The following WNT8B variants were observed in gnomAD, a reference collection of about 807,000 sequenced individuals.
WNT8B encodes the protein protein Wnt-8b.
Under a neutral mutation model 36.6 loss-of-function variants are expected in WNT8B, and 24 were observed. The observed-to-expected ratio is 0.66, with a 90% confidence interval of 0.48 to 0.92. WNT8B has a LOEUF of 0.92. Among genes scored for constraint, WNT8B ranks in the 40% least tolerant of loss-of-function variants. The pLI, the probability that WNT8B is intolerant of heterozygous loss-of-function variation, is 0.00. For missense variants in WNT8B, 402 were observed against 470.8 expected, an observed-to-expected ratio of 0.85 and a Z score of 1.35; for synonymous variants, 199 against 189.8, an observed-to-expected ratio of 1.05 and a Z score of -0.40.
intron 1 of WNT8B, among the ~76,000 whole-genome samples, chr10:100,469,422 C>T (rs1316873984): frequency 1.3e-5 from 2 of 152,206 alleles, no homozygotes; most frequent in Non-Finnish European, 2.9e-5. Context: ...TACTTCTCTT[C>T]CCTTTAAGAC....
chr10:100,463,657 C>T (rs1400699162), intron 1 of WNT8B, among the ~76,000 whole-genome samples: 1 of 151,692 alleles, frequency 6.6e-6, no homozygotes, highest in African/African-American at 2.4e-5. Context: ...TACTTTCTGA[C>T]TTTATTTTTT....
chr10:100,482,338 C>A lies in WNT8B; in HGVS notation c.578C>A (p.Thr193Asn). 2 of 1,603,688 alleles carry A rather than the reference C, an allele frequency of 1.2e-6. No homozygotes were observed. Among genetic ancestry groups the A allele is most frequent in the Non-Finnish European group, 1.7e-6 (2 of 1,179,816 alleles). The change falls in exon 6 of 6, where the codon ACC becomes AAC. Residue 193 changes from threonine to asparagine, a missense_variant. Thr to Asn is a moderately conservative substitution (Grantham distance 65). Around this residue, in one of 3 missense-constraint regions of WNT8B, gnomAD observed 256 missense variants for 278.6 expected, o/e 0.92. Transcript: ENST00000343737. The surrounding 1 kb of genome is among the most constrained non-coding windows in gnomAD (Gnocchi z 6.6). The stretch of plus-strand genomic sequence containing the variant: ...GTGTCTGGCAGCTGCACCACGCAGA[C>A]CTGTTGGCTGCAGCTGCCCGAGTTC... ...HGVSGSCTTQ[T>N]CWLQLPEFRE... is the part of the protein sequence containing the mutation.
rs1851005197 is a variant in WNT8B, at chr10:100,473,861, G to A, written c.69-5191G>A. Among the ~76,000 whole-genome samples, 3 of 152,174 alleles carry A rather than the reference G, an allele frequency of 2.0e-5. No individual in the cohort carries two copies. The South Asian group carries it at 6.2e-4, about 31-fold the overall frequency. ...GAATTGCTTGAACCCAGGAGGTGGAGGTTGTAATGAGCCAAGATGGCGCCA... is the reference window on the plus strand; with the variant it reads ...GAATTGCTTGAACCCAGGAGGTGGAAGTTGTAATGAGCCAAGATGGCGCCA... On this transcript the variant is annotated intron_variant, in intron 1 of 5. Coordinates refer to ENST00000343737, the MANE Select transcript of WNT8B (RefSeq NM_003393.4).
chr10:100,480,140 C>A, intron 3 of WNT8B, 128 bp downstream of exon 3: 1 of 1,189,870 alleles, frequency 8.4e-7, no homozygotes, highest in Non-Finnish European at 1.1e-6. Flanking sequence ...TCTCCCTCTC[C>A]AGGATCTTCT....
intron 1 of WNT8B, among the ~76,000 whole-genome samples, chr10:100,463,765 T>A (rs554326842): frequency 3.3e-4 from 50 of 152,344 alleles, no homozygotes; most frequent in African/African-American, 1.0e-3. Flanking sequence ...ACAAACATGT[T>A]TGAAACCAGA....
chr10:100,481,749 A>T (rs565316799), intron 4 of WNT8B, among the ~76,000 whole-genome samples, 163 bp from the exon 5 acceptor site: 2 of 152,320 alleles, frequency 1.3e-5, no homozygotes, highest in East Asian at 3.9e-4. Flanking sequence ...TAAAAGTGGC[A>T]AAAACAAATC....
intron 1 of WNT8B, among the ~76,000 whole-genome samples, chr10:100,476,030 G>A (rs943065908): frequency 4.6e-5 from 7 of 151,934 alleles, no homozygotes; most frequent in Non-Finnish European, 1.0e-4. Context: ...GGTGGCTCAC[G>A]CCTGTAATCC....
intron 1 of WNT8B, among the ~76,000 whole-genome samples, chr10:100,478,400 G>T (rs944442534): frequency 1.5e-4 from 23 of 152,152 alleles, no homozygotes; most frequent in African/African-American, 5.6e-4. Flanking sequence ...AATACCGAGA[G>T]TAGAGCATAA....
chr10:100,466,200 T>C (rs941225877), intron 1 of WNT8B, among the ~76,000 whole-genome samples: 3 of 151,948 alleles, frequency 2.0e-5, no homozygotes, highest in Admixed American at 1.3e-4. Context: ...TGTGAGGAAC[T>C]GCTTTGGAAT....
Position 100,483,248 on chromosome 10 carries a change from C to G in WNT8B, c.*432C>G, listed in dbSNP as rs1851143499. 1 of 161,646 alleles carries G rather than the reference C, an allele frequency of 6.2e-6. No homozygotes were observed. The highest frequency in any genetic ancestry group is 2.0e-4 in the South Asian group (1 of 5,000). The allele number at this position is 161,646 out of a possible 1,614,324, so 10.0% of individuals were successfully genotyped here. ...CCAGGGCTCACCCACTGCTGCACCT[C>G]TCTTCTGCACAGCTCCTCCCCTGCT... On this transcript the variant is annotated 3_prime_UTR_variant, in exon 6 of 6. Transcript: ENST00000343737.
intron 1 of WNT8B, among the ~76,000 whole-genome samples, chr10:100,478,033 C>T (rs186009724): frequency 1.3e-5 from 2 of 152,014 alleles, no homozygotes; most frequent in Non-Finnish European, 2.9e-5. Flanking sequence ...ATCCACCTGC[C>T]TCAGCCTCCC....
intron 1 of WNT8B, among the ~76,000 whole-genome samples, chr10:100,473,718 G>A (rs1156335987): frequency 6.6e-6 from 1 of 152,174 alleles, no homozygotes; most frequent in African/African-American, 2.4e-5. Context: ...TTGAGGTCAG[G>A]AGTTTGAGAC....
Position 100,482,762 on chromosome 10 carries a change from C to T in WNT8B, c.1002C>T (p.Ser334=), listed in dbSNP as rs34654001. The T allele has an allele frequency of 6.3e-7, 1 of 1,592,354 alleles. No individual in the cohort carries two copies. Among genetic ancestry groups the T allele is most frequent in the Non-Finnish European group, 8.6e-7 (1 of 1,168,500 alleles). The change falls in exon 6 of 6, where the codon AGC becomes AGT. Residue 334 remains serine (S), a synonymous_variant. Transcript: ENST00000343737. The surrounding 1 kb of genome is among the most constrained non-coding windows in gnomAD (Gnocchi z 6.6). ...GGAGGGTCACCAAGTACTTCTGTAG[C>T]CGCGCAGAGCGGCCGCGGGGGGGCG... The part of the protein sequence containing the change: ...CRRRVTKYFC[S]RAERPRGGAA...
At chr10:100,474,336 T>G (rs1397003685) in intron 1 of WNT8B, among the ~76,000 whole-genome samples, 4 of 151,910 alleles carry the variant, frequency 2.6e-5, no homozygotes, top group Admixed American at 2.6e-4. Flanking sequence ...ATTTATATCT[T>G]AAATTTACAT....
Position 100,482,143 on chromosome 10 carries a change from G to C in WNT8B, c.510+89G>C. 6.3e-7 allele frequency: 1 copy of C among 1,580,306 alleles called. No individual in the cohort carries two copies. Among genetic ancestry groups the C allele is most frequent in the Non-Finnish European group, 8.6e-7 (1 of 1,161,916 alleles). ...GGACAACTCTTCAGTTCATTTAAAA[G>C]ATTGGCAAAATGAGGTACCAAGTGG... On this transcript the variant is annotated intron_variant, in intron 5 of 5. Coordinates refer to ENST00000343737, the MANE Select transcript of WNT8B (RefSeq NM_003393.4). The surrounding 1 kb of genome is among the most constrained non-coding windows in gnomAD (Gnocchi z 6.6).
chr10:100,466,113 A>G (rs1850905272), intron 1 of WNT8B, among the ~76,000 whole-genome samples: 3 of 152,114 alleles, frequency 2.0e-5, no homozygotes. Flanking sequence ...AGATCCACTA[A>G]AACTGTCACG....
intron 1 of WNT8B, among the ~76,000 whole-genome samples, chr10:100,475,147 G>A (rs937296095): frequency 2.0e-5 from 3 of 152,076 alleles, no homozygotes; most frequent in Non-Finnish European, 2.9e-5. Context: ...GGCTGAGACA[G>A]GAGAATTGCT....
In WNT8B at chr10:100,480,011, T is replaced by A; in HGVS notation, c.240T>A (p.Ser80Arg). ...LQLSSHGGLR[S>R]ANRETAFVHA... is the part of the protein sequence containing the mutation. ...TGTCCAGCCATGGTGGGCTTCGCAG[T>A]GGTAAGAAAAACCTCAGCCACAGCT... is the stretch of plus-strand genomic sequence containing the variant. Residue 80 changes from serine (S) to arginine (R), a missense_variant and splice_region_variant, in exon 3 of 6, where the codon AGT becomes AGA. By Grantham distance (110) the Ser-to-Arg change is moderately radical. Transcript: ENST00000343737. 6.2e-7 allele frequency: 1 copy of A among 1,613,044 alleles called. No individual in the cohort carries two copies. The highest frequency in any genetic ancestry group is 8.5e-7 in the Non-Finnish European group (1 of 1,179,790).
chr10:100,482,293 G>A lies in WNT8B; in HGVS notation c.533G>A (p.Arg178His). The A allele has an allele frequency of 6.3e-7, 1 of 1,591,186 alleles. No individual in the cohort carries two copies. Among genetic ancestry groups the A allele is most frequent in the Non-Finnish European group, 8.5e-7 (1 of 1,173,150 alleles). Residue 178 changes from arginine to histidine, a missense_variant, in exon 6 of 6, where the codon CGC becomes CAC. Physicochemically the swap from Arg to His is conservative, Grantham distance 29. Coordinates refer to ENST00000343737, the MANE Select transcript of WNT8B (RefSeq NM_003393.4). This position sits in a 1 kb window ranked among gnomAD's most constrained non-coding sequence, Gnocchi z 6.6. ...CAGGCGGTGAAGGGCACCATGAAAC[G>A]CACGTGCAAGTGCCACGGCGTGTCT... is the stretch of plus-strand genomic sequence containing the variant. The part of the protein sequence containing the change: ...GRKAVKGTMK[R>H]TCKCHGVSGS...
Sources: gnomAD v4.1 joint callset for allele counts (sites outside exome capture counted in the v4.1 genomes callset) on GRCh38, gnomAD v4.1.1 for gene constraint, gnomAD v4.1.1 regional missense constraint, Gnocchi (gnomAD v3.1) non-coding constraint, MANE v1.5 for transcripts, NCBI Gene and HGNC (gene_info 2026-07-23, HGNC 2026-07-21) for gene names.